Variants in AUTS2 observed in about 807,000 individuals in gnomAD.
AUTS2 encodes autism susceptibility gene 2 protein.
In AUTS2, 17 loss-of-function variants were observed where a neutral mutation model predicts 112.4. The ratio of observed to expected loss-of-function variants is 0.15; its 90% CI spans 0.10 to 0.23. The LOEUF (loss-of-function observed/expected upper bound fraction) is 0.23. Ranked by LOEUF, AUTS2 falls within the 10% of genes least tolerant of loss-of-function variation. The pLI is 1.00. For missense variants in AUTS2, 1,510 were observed against 1,701.6 expected (o/e 0.89, Z 1.98); for synonymous variants, 751 against 702.7 (o/e 1.07, Z -1.09).
intron 2 of AUTS2, among the ~76,000 whole-genome samples, chr7:70,033,747 T>C (rs1207363712): frequency 1.3e-5 from 2 of 152,134 alleles, no homozygotes; most frequent in Non-Finnish European, 2.9e-5. Context: ...CTCACTCATA[T>C]GTGGGAGCTA....
chr7:69,893,685 G>A (rs1018960732), intron 1 of AUTS2, among the ~76,000 whole-genome samples: 3 of 152,146 alleles, frequency 2.0e-5, no homozygotes, highest in African/African-American at 7.2e-5. Context: ...CTGCCCTCAG[G>A]TTAGTTTGCT....
At chr7:70,108,143 T>C (rs1156784224) in intron 2 of AUTS2, among the ~76,000 whole-genome samples, 1 of 152,186 alleles carries the variant, frequency 6.6e-6, no homozygotes, top group Non-Finnish European at 1.5e-5. Flanking sequence ...AAGATAGCTA[T>C]GGACAGTGTA....
chr7:70,627,586 C>T (rs1805017804), intron 5 of AUTS2, among the ~76,000 whole-genome samples: 1 of 152,218 alleles, frequency 6.6e-6, no homozygotes, highest in Admixed American at 6.5e-5. Flanking sequence ...AACACTCAAT[C>T]ACAATTTGCT....
chr7:69,629,357 T>C (rs1224139019), intron 1 of AUTS2, among the ~76,000 whole-genome samples: 1 of 152,176 alleles, frequency 6.6e-6, no homozygotes, highest in African/African-American at 2.4e-5. Context: ...TTGAACATAA[T>C]GCTTATAAAA....
chr7:70,336,371 TGTAA>T (rs1790990764), intron 4 of AUTS2, among the ~76,000 whole-genome samples: 1 of 152,162 alleles, frequency 6.6e-6, no homozygotes, highest in South Asian at 2.1e-4. Flanking sequence ...AAAGTACATA[TGTAA>T]GTGTGTGTTA....
In AUTS2 at chr7:70,486,905, C is replaced by CG. The variant is rs1328656059; in HGVS notation, c.690+51124_690+51125insG. Among the ~76,000 whole-genome samples the CG allele has an allele frequency of 8.0e-4, 95 of 118,640 alleles. 3 individuals are homozygous for CG. Among genetic ancestry groups the CG allele is most frequent in the Non-Finnish European group, 4.1e-4 (24 of 57,866 alleles). The allele number at this position is 118,640 out of a possible 152,430, so 77.8% of individuals were successfully genotyped here. ...TTTTGTTGTTTTTGTATTCCCCCCC[C>CG]CCCAAAAAAAAAGAAGAAAAGGTTG... On this transcript the variant is annotated intron_variant, in intron 5 of 18. Transcript: ENST00000342771.
At chr7:70,328,182 C>T (rs1287859551) in intron 4 of AUTS2, among the ~76,000 whole-genome samples, 1 of 152,074 alleles carries the variant, frequency 6.6e-6, no homozygotes, top group Non-Finnish European at 1.5e-5. Context: ...TGCCTTTCAG[C>T]TTGGGAAACT....
intron 4 of AUTS2, among the ~76,000 whole-genome samples, chr7:70,254,999 G>A (rs963240773): frequency 1.3e-5 from 2 of 151,966 alleles, no homozygotes; most frequent in African/African-American, 4.8e-5. Flanking sequence ...GCTCAGTGGG[G>A]GAAGCTGGTT....
At chr7:70,377,866 G>A (rs965479530) in intron 4 of AUTS2, among the ~76,000 whole-genome samples, 2 of 151,308 alleles carry the variant, frequency 1.3e-5, no homozygotes, top group South Asian at 4.2e-4. Context: ...CGCCTCCCGG[G>A]TTCATGCCAT....
chr7:70,646,709 G>T (rs945076206), intron 5 of AUTS2, among the ~76,000 whole-genome samples: 1 of 152,260 alleles, frequency 6.6e-6, no homozygotes, highest in Admixed American at 6.5e-5. Flanking sequence ...ACAGCTGTAG[G>T]CAAGATTGAC....
At chr7:69,866,358 T>C (rs1172577676) in intron 1 of AUTS2, among the ~76,000 whole-genome samples, 2 of 152,308 alleles carry the variant, frequency 1.3e-5, no homozygotes, top group Non-Finnish European at 2.9e-5. Context: ...TGTATGCCTT[T>C]CAAAACCCTG....
intron 4 of AUTS2, among the ~76,000 whole-genome samples, chr7:70,430,505 T>A (rs1795612178): frequency 6.6e-6 from 1 of 152,216 alleles, no homozygotes; most frequent in Non-Finnish European, 1.5e-5. Flanking sequence ...TTTCCAAAGT[T>A]ACACAGCTGG....
At chr7:70,449,621 A>G (rs1474641688) in intron 5 of AUTS2, among the ~76,000 whole-genome samples, 1 of 152,224 alleles carries the variant, frequency 6.6e-6, no homozygotes, top group Non-Finnish European at 1.5e-5. Context: ...CTTGACAGCC[A>G]TAGAAGCTGC....
At chr7:70,378,955 T>C (rs1453845629) in intron 4 of AUTS2, among the ~76,000 whole-genome samples, 1 of 152,216 alleles carries the variant, frequency 6.6e-6, no homozygotes, top group Non-Finnish European at 1.5e-5. Flanking sequence ...CCTATCCTTG[T>C]GATTTGTTAG....
chr7:69,897,193 C>G (rs574861432), intron 1 of AUTS2, among the ~76,000 whole-genome samples: 1 of 152,304 alleles, frequency 6.6e-6, no homozygotes, highest in East Asian at 1.9e-4. Context: ...GGCAACACTG[C>G]TAAGAGTCAC....
At chr7:70,305,186 G>A (rs900052909) in intron 4 of AUTS2, among the ~76,000 whole-genome samples, 3 of 151,822 alleles carry the variant, frequency 2.0e-5, no homozygotes, top group Non-Finnish European at 4.4e-5. Context: ...GAATAATGGT[G>A]TATCTCAGTG....
At chr7:70,029,475 G>A (rs996927797) in intron 2 of AUTS2, among the ~76,000 whole-genome samples, 5 of 151,854 alleles carry the variant, frequency 3.3e-5, no homozygotes, top group African/African-American at 9.7e-5. Context: ...TATGACATAC[G>A]GAGCTCAATA....
chr7:69,675,265 T>C (rs950345533), intron 1 of AUTS2, among the ~76,000 whole-genome samples: 3 of 152,196 alleles, frequency 2.0e-5, no homozygotes, highest in African/African-American at 7.2e-5. Flanking sequence ...ATTAGAACTT[T>C]TTTAGACGTA....
intron 4 of AUTS2, among the ~76,000 whole-genome samples, chr7:70,368,303 T>C (rs1181211934): frequency 3.9e-5 from 6 of 152,156 alleles, no homozygotes; most frequent in African/African-American, 1.4e-4. Flanking sequence ...TTGTTCATTC[T>C]TGTGAGGAAG....
Sources: gnomAD v4.1 joint callset for allele counts (sites outside exome capture counted in the v4.1 genomes callset) on GRCh38, gnomAD v4.1.1 for gene constraint, MANE v1.5 for transcripts, NCBI Gene and HGNC (gene_info 2026-07-23, HGNC 2026-07-21) for gene names.